The following SV2C variants were observed in gnomAD, a reference collection of about 807,000 sequenced individuals.
The protein encoded by SV2C is synaptic vesicle glycoprotein 2C.
SV2C carries 49 observed loss-of-function variants against 79.7 expected under a neutral mutation model. The ratio of observed to expected loss-of-function variants is 0.61; its 90% CI spans 0.49 to 0.78. The LOEUF is 0.78. SV2C is among the 30% of genes least tolerant of loss of function. The probability of loss-of-function intolerance (pLI) is 0.00; values close to 1 mark genes in which losing one functional copy is unlikely to be tolerated. For synonymous variants in SV2C, 334 were observed against 333.2 expected, an observed-to-expected ratio of 1.00 and a Z score of -0.03; for missense variants, 833 against 912.9, an observed-to-expected ratio of 0.91 and a Z score of 1.13.
At chr5:76,085,490 G>C (rs1747157107) in intron 1 of SV2C, among the ~76,000 whole-genome samples, 1 of 151,998 alleles carries the variant, frequency 6.6e-6, no homozygotes, top group Admixed American at 6.5e-5. Flanking sequence ...TACTGAAGGA[G>C]CCCAAATCTG....
At chr5:76,319,948 C>T (rs779354895) in intron 12 of SV2C, among the ~76,000 whole-genome samples, 2 of 152,168 alleles carry the variant, frequency 1.3e-5, no homozygotes, top group Non-Finnish European at 2.9e-5. Context: ...AAGAATCCAG[C>T]TTATCTTACT....
rs541996073 is a variant in SV2C at position 76,317,553 on chromosome 5, G to A, written c.2001-7811G>A. ...TTTTTAAAATGTGGCACTTAGGCCA[G>A]GTGCTGTGGCTCATGCCTGTAACCC... On this transcript the variant is annotated intron_variant, in intron 12 of 12. Coordinates refer to ENST00000502798, the MANE Select transcript of SV2C (RefSeq NM_014979.4). Among the ~76,000 whole-genome samples the A allele has an allele frequency of 7.8e-4, 119 of 152,312 alleles. 1 individual carries two copies. The highest frequency in any genetic ancestry group is 5.8e-3 in the South Asian group (28 of 4,828).
the SV2C span, among the ~76,000 whole-genome samples, chr5:75,924,129 C>A: frequency 6.6e-6 from 1 of 152,052 alleles, no homozygotes; most frequent in African/African-American, 2.4e-5. Flanking sequence ...GGGCTAGAGG[C>A]CATTATTCTA....
intron 1 of SV2C, among the ~76,000 whole-genome samples, chr5:76,119,598 T>C (rs1406354095): frequency 6.6e-6 from 1 of 152,094 alleles, no homozygotes. Flanking sequence ...CCTGCCAGTA[T>C]TTCTGTACAA....
At chr5:76,214,618 G>A (rs947770193) in intron 4 of SV2C, among the ~76,000 whole-genome samples, 2 of 152,136 alleles carry the variant, frequency 1.3e-5, no homozygotes, top group Non-Finnish European at 1.5e-5. Flanking sequence ...TGTTTGAGTA[G>A]CATTGACATT....
chr5:75,936,609 G>A, the SV2C span, among the ~76,000 whole-genome samples: 1 of 152,166 alleles, frequency 6.6e-6, no homozygotes, highest in Non-Finnish European at 1.5e-5. Flanking sequence ...GCGTTACTTT[G>A]ACGAAGCTTG....
the SV2C span, among the ~76,000 whole-genome samples, chr5:75,994,882 C>T: frequency 2.0e-5 from 3 of 152,102 alleles, no homozygotes; most frequent in Admixed American, 6.6e-5. Flanking sequence ...AACGAGGGGG[C>T]CATTGGTGTA....
chr5:76,095,474 T>C (rs1747525712), intron 1 of SV2C, among the ~76,000 whole-genome samples: 1 of 152,142 alleles, frequency 6.6e-6, no homozygotes, highest in Non-Finnish European at 1.5e-5. Flanking sequence ...GCATAGTTAT[T>C]TATCATCATT....
intron 4 of SV2C, among the ~76,000 whole-genome samples, chr5:76,256,849 A>G (rs1317975773): frequency 6.6e-6 from 1 of 152,258 alleles, no homozygotes; most frequent in African/African-American, 2.4e-5. Flanking sequence ...TGCTCTCACA[A>G]GGCCAAAAAA....
chr5:76,167,731 G>A (rs1030401291), intron 2 of SV2C, among the ~76,000 whole-genome samples: 9 of 152,190 alleles, frequency 5.9e-5, no homozygotes, highest in African/African-American at 2.2e-4. Flanking sequence ...TGGATAGGAA[G>A]CCATGCAGTC....
chr5:75,987,659 G>C, the SV2C span, among the ~76,000 whole-genome samples: 7 of 152,000 alleles, frequency 4.6e-5, no homozygotes, highest in South Asian at 1.4e-3. Flanking sequence ...CAAAGATTTA[G>C]TTCTAAATCT....
intron 12 of SV2C, among the ~76,000 whole-genome samples, chr5:76,348,215 C>T (rs1749578691): frequency 1.3e-5 from 2 of 152,110 alleles, no homozygotes; most frequent in Admixed American, 6.6e-5. Flanking sequence ...TAGTAATATG[C>T]ATATAAGGTT....
intron 2 of SV2C, among the ~76,000 whole-genome samples, chr5:76,189,222 CTT>C (rs970931046): frequency 1.3e-5 from 2 of 151,852 alleles, no homozygotes; most frequent in Non-Finnish European, 2.9e-5. Context: ...AAAAATGACT[CTT>C]TGAGGAAATA....
chr5:76,217,758 A>C (rs1344425815), intron 4 of SV2C, among the ~76,000 whole-genome samples: 2 of 152,210 alleles, frequency 1.3e-5, no homozygotes, highest in Admixed American at 6.5e-5. Flanking sequence ...AGAAAAGAAA[A>C]AAAAAAGGAT....
At chr5:76,338,665 T>C (rs1282662923), downstream of SV2C, among the ~76,000 whole-genome samples, 2 of 149,988 alleles carry the variant, frequency 1.3e-5, no homozygotes, top group Non-Finnish European at 3.0e-5. Context: ...TTTTCTTTTT[T>C]TTTTTTTTTT....
intron 3 of SV2C, among the ~76,000 whole-genome samples, chr5:76,205,513 A>G (rs1744582426): frequency 1.3e-5 from 2 of 152,188 alleles, no homozygotes; most frequent in South Asian, 4.1e-4. Context: ...CAATACTGAG[A>G]AAAATTCTTT....
At chr5:76,075,907 G>A in the SV2C span, 1 of 222,538 alleles carries the variant, frequency 4.5e-6, no homozygotes. Context: ...TTCTCTCAGG[G>A]CACATGAGAC....
At chr5:76,179,638 G>C (rs1259145126) in intron 2 of SV2C, among the ~76,000 whole-genome samples, 1 of 152,146 alleles carries the variant, frequency 6.6e-6, no homozygotes, top group Non-Finnish European at 1.5e-5. Context: ...AGGAGCCCTC[G>C]TGTGATGCTT....
At chr5:75,876,797 C>T in the SV2C span, among the ~76,000 whole-genome samples, 14 of 151,686 alleles carry the variant, frequency 9.2e-5, no homozygotes, top group African/African-American at 3.4e-4. Context: ...AGAGCAACCA[C>T]CTAAAAGTGG....
Sources: allele counts gnomAD v4.1 joint callset (sites outside exome capture counted in the v4.1 genomes callset), GRCh38; gene constraint gnomAD v4.1.1; transcripts MANE v1.5; gene names NCBI Gene and HGNC (gene_info 2026-07-23, HGNC 2026-07-21).